EPS15: variants seen among roughly 807,000 people sequenced by gnomAD.
EPS15 encodes the protein epidermal growth factor receptor pathway substrate 15, also known as epidermal growth factor receptor substrate 15.
In EPS15, 72 loss-of-function variants were observed where a neutral mutation model predicts 113.8. The observed-to-expected ratio is 0.63, with a 90% CI of 0.52 to 0.77. The LOEUF (loss-of-function observed/expected upper bound fraction) is 0.77. Ranked by LOEUF, EPS15 falls within the 30% of genes least tolerant of loss-of-function variation. The probability of loss-of-function intolerance (pLI) is 0.00; values close to 1 mark genes in which losing one functional copy is unlikely to be tolerated. For synonymous variants in EPS15, 344 were observed against 363.4 expected, an observed-to-expected ratio of 0.95 and a Z score of 0.61; for missense variants, 1,048 against 1,045.8, an observed-to-expected ratio of 1.00 and a Z score of -0.03.
chr1:51,502,145 G>T (rs1419072430), intron 1 of EPS15, among the ~76,000 whole-genome samples: 1 of 152,120 alleles, frequency 6.6e-6, no homozygotes, highest in Non-Finnish European at 1.5e-5. Context: ...GTGCATGCCT[G>T]TTGCCCCAGT....
At chr1:51,381,975 G>A (rs1646951490) in intron 21 of EPS15, among the ~76,000 whole-genome samples, 1 of 152,036 alleles carries the variant, frequency 6.6e-6, no homozygotes, top group Admixed American at 6.5e-5. Context: ...AGACAACACA[G>A]AGAATAGAAA....
intron 15 of EPS15, among the ~76,000 whole-genome samples, chr1:51,407,259 G>A (rs1649218137): frequency 6.6e-6 from 1 of 151,982 alleles, no homozygotes; most frequent in African/African-American, 2.4e-5. Flanking sequence ...GTGCAGTGGT[G>A]TGATCTGAGC....
intron 2 of EPS15, among the ~76,000 whole-genome samples, chr1:51,476,091 G>C (rs887624718): frequency 5.3e-5 from 8 of 152,158 alleles, no homozygotes; most frequent in Admixed American, 5.2e-4. Flanking sequence ...CAGCCTTGTA[G>C]CATAGTTTGA....
At chr1:51,461,206 C>T (rs962982090) in intron 7 of EPS15, 56 bp from the exon 8 acceptor site, 29 of 1,291,932 alleles carry the variant, frequency 2.2e-5, no homozygotes, top group South Asian at 1.2e-4. Context: ...ATGTTCTACT[C>T]GAGGGCAAGA....
chr1:51,506,958 C>T (rs1644509527), intron 1 of EPS15, among the ~76,000 whole-genome samples: 1 of 152,140 alleles, frequency 6.6e-6, no homozygotes, highest in Admixed American at 6.5e-5. Context: ...ATTTCCTATG[C>T]TAAGTGAACT....
chr1:51,408,173 G>A lies in EPS15; in HGVS notation c.1435C>T (p.Gln479Ter), dbSNP rs1222302225. Residue 479 changes from glutamine to a stop codon, truncating the protein, a stop_gained, in exon 15 of 25, where the codon CAG (glutamine) becomes TAG (stop). Coordinates refer to ENST00000371733, the MANE Select transcript of EPS15 (RefSeq NM_001981.3). LOFTEE classifies it high-confidence loss of function. ...TGTTGTGAATCTTGTAGGTGCTGCT[G>A]AAGAGGTTCCAACTGAGCCTTCCCT... ...ESGKAQLEPLQQHLQDSQQEI... is the reference protein window; with the variant it reads ...ESGKAQLEPL The A allele has an allele frequency of 6.2e-7, 1 of 1,614,158 alleles. No homozygotes were observed. Among genetic ancestry groups the A allele is most frequent in the Non-Finnish European group, 8.5e-7 (1 of 1,180,002 alleles).
chr1:51,386,285 A>G (rs905210207), intron 21 of EPS15, among the ~76,000 whole-genome samples: 1 of 152,248 alleles, frequency 6.6e-6, no homozygotes, highest in Non-Finnish European at 1.5e-5. Flanking sequence ...AAGTAAAGTA[A>G]TTTATATAAT....
At chr1:51,474,697 T>TATA (rs1655483948) in intron 2 of EPS15, among the ~76,000 whole-genome samples, 2 of 152,086 alleles carry the variant, frequency 1.3e-5, no homozygotes, top group South Asian at 4.1e-4. Context: ...TTATTATTAT[T>TATA]ATACTTTAAG....
intron 13 of EPS15, among the ~76,000 whole-genome samples, chr1:51,410,771 A>G (rs1649637774): frequency 1.3e-5 from 2 of 152,254 alleles, no homozygotes; most frequent in African/African-American, 4.8e-5. Context: ...ACAGAAGAGA[A>G]ACTTACAGGT....
At chr1:51,401,140 CA>C (rs1310958518) in intron 18 of EPS15, 187 bp from the exon 19 acceptor site, 1 of 442,794 alleles carries the variant, frequency 2.3e-6, no homozygotes, top group African/African-American at 2.1e-5. Flanking sequence ...ACCTTGATCA[CA>C]AGTTGAGGTT....
intron 20 of EPS15, among the ~76,000 whole-genome samples, chr1:51,397,985 T>C (rs1648130460): frequency 6.6e-6 from 1 of 151,954 alleles, no homozygotes; most frequent in Admixed American, 6.6e-5. Context: ...AATGGATGCA[T>C]GGAAGCTTGT....
chr1:51,500,800 A>G (rs1408428538), intron 1 of EPS15, among the ~76,000 whole-genome samples: 2 of 152,004 alleles, frequency 1.3e-5, no homozygotes, highest in African/African-American at 4.8e-5. Context: ...CCTGGCCAAC[A>G]TGGTGAAACC....
At chr1:51,484,467 A>G (rs956992447) in intron 1 of EPS15, among the ~76,000 whole-genome samples, 1 of 152,210 alleles carries the variant, frequency 6.6e-6, no homozygotes, top group Non-Finnish European at 1.5e-5. Flanking sequence ...ATCAATCATT[A>G]TATCAAAATA....
intron 6 of EPS15, 104 bp from the exon 7 acceptor site, chr1:51,463,902 C>A: frequency 1.8e-6 from 1 of 557,114 alleles, no homozygotes; most frequent in East Asian, 3.0e-5. Context: ...TGTTTTTAAA[C>A]TATCATTTAA....
At chr1:51,519,163 G>A in intron 1 of EPS15, 36 bp downstream of exon 1, 2 of 1,419,834 alleles carry the variant, frequency 1.4e-6, no homozygotes, top group Non-Finnish European at 1.9e-6. Flanking sequence ...GGGGGCACCG[G>A]CCGGCCAAGC....
chr1:51,439,586 A>G lies in EPS15; in HGVS notation c.1040+761T>C, dbSNP rs138926666. On this transcript the variant is annotated intron_variant, in intron 12 of 24. Coordinates refer to ENST00000371733, the MANE Select transcript of EPS15 (RefSeq NM_001981.3). ...TTTTATAGTCATTTTTACAATCAGT[A>G]TTACTATAAAGTTTCCAGGGAACAC... is the stretch of plus-strand genomic sequence containing the variant. Among the ~76,000 whole-genome samples, 136 of 152,226 alleles carry G rather than the reference A, an allele frequency of 8.9e-4. 1 individual carries two copies. Among genetic ancestry groups the G allele is most frequent in the African/African-American group, 3.2e-3 (132 of 41,550 alleles).
At chr1:51,357,409 T>A (rs1404544902) in intron 24 of EPS15, among the ~76,000 whole-genome samples, 4 of 57,048 alleles carry the variant, frequency 7.0e-5, no homozygotes, top group African/African-American at 3.0e-4. Flanking sequence ...TATATATATA[T>A]ATATATATAT....
chr1:51,369,074 T>C (rs761518576), intron 21 of EPS15, among the ~76,000 whole-genome samples: 7 of 152,198 alleles, frequency 4.6e-5, no homozygotes, highest in Admixed American at 2.0e-4. Flanking sequence ...ATGTGTGCAA[T>C]AGCCTCAGTT....
intron 1 of EPS15, among the ~76,000 whole-genome samples, chr1:51,509,779 T>C (rs1258161425): frequency 2.0e-5 from 3 of 152,234 alleles, no homozygotes; most frequent in African/African-American, 7.2e-5. Flanking sequence ...AATCACTTTC[T>C]AGAGATGTGG....
Sources: gnomAD v4.1 joint callset for allele counts (sites outside exome capture counted in the v4.1 genomes callset) on GRCh38, gnomAD v4.1.1 for gene constraint, MANE v1.5 for transcripts, NCBI Gene and HGNC (gene_info 2026-07-23, HGNC 2026-07-21) for gene names.